Variants in GRM5 observed in about 807,000 individuals in gnomAD.
GRM5 encodes glutamate metabotropic receptor 5, also known as metabotropic glutamate receptor 5.
In GRM5, 19 loss-of-function variants were observed where a neutral mutation model predicts 83.1. The observed-to-expected ratio is 0.23, with a 90% confidence interval of 0.16 to 0.34. The LOEUF is 0.34. Ranked by LOEUF, GRM5 falls within the 10% of genes least tolerant of loss-of-function variation. The pLI is 1.00. For missense variants in GRM5, 1,160 were observed against 1,588.3 expected, an observed-to-expected ratio of 0.73 and a Z score of 4.58; for synonymous variants, 675 against 633.6, an observed-to-expected ratio of 1.07 and a Z score of -0.98.
At chr11:88,767,176 A>C (rs917587129) in intron 3 of GRM5, among the ~76,000 whole-genome samples, 1 of 151,946 alleles carries the variant, frequency 6.6e-6, no homozygotes, top group African/African-American at 2.4e-5. Context: ...AAAATTCAAA[A>C]AATAAAAGAT....
At position 88,508,943 on chromosome 11, in the gene GRM5, G is replaced by C. The variant is rs201319458; in HGVS notation, c.3288C>G (p.Ser1096=). ...SPGVGAPLCS[S]YLIPKEIQLP... is the part of the protein sequence containing the mutation. ...ACTGGATCTCTTTGGGGATCAGGTA[G>C]GACGAGCAGAGCGGGGCGCCGACGC... Residue 1096 remains serine, a synonymous_variant, in exon 10 of 10, where the codon TCC becomes TCG. Coordinates refer to ENST00000305447, the MANE Select transcript of GRM5 (RefSeq NM_001143831.3). This position sits in a 1 kb window ranked among gnomAD's most constrained non-coding sequence, Gnocchi z 4.2. The C allele has an allele frequency of 6.9e-6, 11 of 1,598,108 alleles. No homozygotes were observed. Among genetic ancestry groups the C allele is most frequent in the Non-Finnish European group, 9.4e-6 (11 of 1,172,676 alleles).
chr11:88,833,964 C>A (rs964388751), intron 3 of GRM5, among the ~76,000 whole-genome samples: 2 of 152,062 alleles, frequency 1.3e-5, no homozygotes, highest in Non-Finnish European at 2.9e-5. Flanking sequence ...AGGGTGTGTA[C>A]ATGGGTAGGG....
At chr11:88,586,985 T>G (rs1943328376) in intron 7 of GRM5, among the ~76,000 whole-genome samples, 1 of 152,214 alleles carries the variant, frequency 6.6e-6, no homozygotes. Flanking sequence ...TGTAACACTC[T>G]CCATCATTTT....
chr11:88,999,266 C>T (rs1041654299), intron 2 of GRM5, among the ~76,000 whole-genome samples: 9 of 152,156 alleles, frequency 5.9e-5, no homozygotes, highest in Non-Finnish European at 1.3e-4. Context: ...AGAGCTTCTG[C>T]ACAGCAAAAG....
chr11:88,977,934 C>G (rs553772167), intron 2 of GRM5, among the ~76,000 whole-genome samples: 1 of 152,338 alleles, frequency 6.6e-6, no homozygotes, highest in East Asian at 1.9e-4. Flanking sequence ...CATACAAACT[C>G]ATAGTAATCT....
At chr11:88,538,514 T>C (rs1766746409) in intron 8 of GRM5, among the ~76,000 whole-genome samples, 1 of 152,322 alleles carries the variant, frequency 6.6e-6, no homozygotes, top group Middle Eastern at 3.4e-3. Flanking sequence ...TAATTAAAAG[T>C]TGCTAGTTTC....
chr11:88,635,133 T>C (rs892136002), intron 4 of GRM5, among the ~76,000 whole-genome samples: 4 of 152,248 alleles, frequency 2.6e-5, no homozygotes, highest in Admixed American at 6.5e-5. Flanking sequence ...GTGATGAGCA[T>C]TGGGTACAGA....
At chr11:88,845,283 A>G (rs562890583) in intron 3 of GRM5, among the ~76,000 whole-genome samples, 1 of 151,340 alleles carries the variant, frequency 6.6e-6, no homozygotes, top group South Asian at 2.1e-4. Flanking sequence ...CAACTAGCAA[A>G]AAGAATCTAA....
intron 2 of GRM5, among the ~76,000 whole-genome samples, chr11:88,851,524 C>T (rs1413544954): frequency 1.3e-5 from 2 of 152,172 alleles, no homozygotes; most frequent in Non-Finnish European, 2.9e-5. Context: ...TATGTTAGCT[C>T]ACTGCTCCTT....
At chr11:88,685,035 T>C (rs1175559645) in intron 3 of GRM5, among the ~76,000 whole-genome samples, 1 of 152,154 alleles carries the variant, frequency 6.6e-6, no homozygotes, top group African/African-American at 2.4e-5. Context: ...GCTTTGGAAC[T>C]GGGTAACAGG....
Position 88,649,056 on chromosome 11 carries a change from AAT to A in GRM5, c.1147+4110_1147+4111del, listed in dbSNP as rs1292883249. ...TTAAAACTTAATATACATAATATATAATATATATATTATAATATATAATACAT... is the reference window on the plus strand; with the variant it reads ...TTAAAACTTAATATACATAATATATAATATATATTATAATATATAATACAT... On this transcript the variant is annotated intron_variant, in intron 4 of 9. Transcript: ENST00000305447. Among the ~76,000 whole-genome samples, 21 of 145,450 alleles carry A rather than the reference AAT, an allele frequency of 1.4e-4. No homozygotes were observed. The East Asian group carries it at 1.8e-3, about 12-fold the overall frequency.
chr11:88,817,344 T>C (rs1471950983), intron 3 of GRM5, among the ~76,000 whole-genome samples: 1 of 149,708 alleles, frequency 6.7e-6, no homozygotes, highest in Non-Finnish European at 1.5e-5. Context: ...TAAATTTCTC[T>C]TTTTTTTTCT....
At chr11:88,649,024 A>G (rs1438363242) in intron 4 of GRM5, among the ~76,000 whole-genome samples, 1 of 147,248 alleles carries the variant, frequency 6.8e-6, no homozygotes, top group African/African-American at 2.5e-5. Context: ...AAAGTTCATT[A>G]TGGTCATTAA....
chr11:88,507,713 A>G lies in GRM5; in HGVS notation c.*879T>C, dbSNP rs1423614467. 1 of 152,538 alleles carries G rather than the reference A, an allele frequency of 6.6e-6. No individual in the cohort carries two copies. Among genetic ancestry groups the G allele is most frequent in the African/African-American group, 2.4e-5 (1 of 41,472 alleles). 9.4% of individuals were successfully genotyped at this position (152,538 alleles called of 1,614,324 possible). On this transcript the variant is annotated 3_prime_UTR_variant, in exon 10 of 10. Coordinates refer to ENST00000305447, the MANE Select transcript of GRM5 (RefSeq NM_001143831.3). ...GAGATAGCCAGGCTGGAGCTCAAGA[A>G]TGATTTTTATAAAGAGAATTTCCAG... is the stretch of plus-strand genomic sequence containing the variant.
At chr11:88,748,023 C>A (rs1275730862) in intron 3 of GRM5, among the ~76,000 whole-genome samples, 1 of 152,224 alleles carries the variant, frequency 6.6e-6, no homozygotes, top group East Asian at 1.9e-4. Flanking sequence ...GAAGTATGTT[C>A]CACTCTGGAG....
At chr11:89,042,795 G>A (rs1941562862) in intron 2 of GRM5, among the ~76,000 whole-genome samples, 1 of 149,088 alleles carries the variant, frequency 6.7e-6, no homozygotes, top group South Asian at 2.1e-4. Flanking sequence ...AAGCTGGATT[G>A]TTATCACATT....
chr11:88,783,095 G>A (rs16914844), intron 3 of GRM5, among the ~76,000 whole-genome samples: 17,176 of 152,002 alleles, frequency 0.11, 2,133 homozygotes, highest in African/African-American at 0.31. Context: ...GCTAACTGGT[G>A]GTATTTAAAT....
In GRM5 at chr11:88,567,769, C is replaced by T. The variant is rs1027865914; in HGVS notation, c.1914G>A (p.Lys638=). The T allele has an allele frequency of 5.0e-6, 8 of 1,614,022 alleles. No individual in the cohort carries two copies. The highest frequency in any genetic ancestry group is 1.3e-5 in the African/African-American group (1 of 75,028). ...GAAGGTAGCAGTAAATCTGTTTGGG[C>T]TTCGCAATGAGGCAGAAGGTACATA... is the stretch of plus-strand genomic sequence containing the variant. ...GYLCTFCLIA[K]PKQIYCYLQR... The change falls in exon 8 of 10, where the codon AAG becomes AAA. Residue 638 remains lysine (K), a synonymous_variant. Transcript: ENST00000305447. This position sits in a 1 kb window ranked among gnomAD's most constrained non-coding sequence, Gnocchi z 7.3.
chr11:88,820,639 A>G (rs908185364), intron 3 of GRM5, among the ~76,000 whole-genome samples: 3 of 152,212 alleles, frequency 2.0e-5, no homozygotes, highest in Admixed American at 2.0e-4. Context: ...AAATGCAGAA[A>G]ACATTTTTTA....
Sources: gnomAD v4.1 joint callset for allele counts (sites outside exome capture counted in the v4.1 genomes callset) on GRCh38, gnomAD v4.1.1 for gene constraint, Gnocchi (gnomAD v3.1) non-coding constraint, MANE v1.5 for transcripts, NCBI Gene and HGNC (gene_info 2026-07-23, HGNC 2026-07-21) for gene names.